The following JAK1 variants were observed in gnomAD, a reference collection of about 807,000 sequenced individuals.
The protein encoded by JAK1 is tyrosine-protein kinase JAK1.
JAK1 carries 16 observed loss-of-function variants against 136.6 expected under a neutral mutation model. That is an observed-to-expected ratio of 0.12 (90% CI 0.08 to 0.18). JAK1 has a LOEUF of 0.18. Ranked by LOEUF, JAK1 falls within the 10% of genes least tolerant of loss-of-function variation. The pLI is 1.00. For missense variants in JAK1, 859 were observed against 1,450.1 expected (o/e 0.59, Z 6.62); for synonymous variants, 492 against 519.5 (o/e 0.95, Z 0.72).
intron 1 of JAK1, among the ~76,000 whole-genome samples, chr1:64,936,724 T>C (rs1038574481): frequency 6.6e-6 from 1 of 152,166 alleles, no homozygotes; most frequent in African/African-American, 2.4e-5. Flanking sequence ...CATTTGCTTG[T>C]AAAAAGATTA....
intron 1 of JAK1, among the ~76,000 whole-genome samples, chr1:65,049,744 G>A (rs769608966): frequency 1.9e-4 from 29 of 152,126 alleles, no homozygotes; most frequent in Middle Eastern, 3.2e-3. Context: ...GATGTCCAAG[G>A]AACCTCATAT....
intron 1 of JAK1, among the ~76,000 whole-genome samples, chr1:64,927,793 AT>A (rs1237066098): frequency 6.6e-6 from 1 of 152,254 alleles, no homozygotes; most frequent in African/African-American, 2.4e-5. Context: ...ATGCAAAAGA[AT>A]ACAAAGCCCC....
intron 2 of JAK1, among the ~76,000 whole-genome samples, chr1:65,008,609 C>T (rs1569869472): frequency 1.3e-5 from 2 of 151,386 alleles, no homozygotes; most frequent in African/African-American, 4.8e-5. Context: ...TATAATAAGT[C>T]CTGCTCCCCT....
At chr1:65,007,987 C>T (rs148221518) in intron 2 of JAK1, among the ~76,000 whole-genome samples, 3,474 of 152,260 alleles carry the variant, frequency 0.023, 123 homozygotes, top group African/African-American at 0.079. Flanking sequence ...TCAGGTGATC[C>T]GCCTGCCTTG....
At chr1:64,836,313 T>C (rs951472481) in intron 22 of JAK1, 98 bp from the exon 23 acceptor site, 2 of 742,286 alleles carry the variant, frequency 2.7e-6, no homozygotes, top group African/African-American at 3.5e-5. Context: ...GTTTTTCTTA[T>C]AATTTAATAC....
chr1:64,956,224 G>C (rs986945643), intron 1 of JAK1, among the ~76,000 whole-genome samples: 2 of 152,214 alleles, frequency 1.3e-5, no homozygotes, highest in African/African-American at 4.8e-5. Context: ...AGGGTTTTCA[G>C]GGTGGTGGAT....
intron 2 of JAK1, among the ~76,000 whole-genome samples, chr1:65,035,106 T>C (rs1415312954): frequency 6.6e-6 from 1 of 151,598 alleles, no homozygotes; most frequent in East Asian, 1.9e-4. Context: ...TAAATTCTCT[T>C]AGTAATGCCA....
At chr1:65,006,102 A>T (rs901801274) in intron 2 of JAK1, among the ~76,000 whole-genome samples, 3 of 152,216 alleles carry the variant, frequency 2.0e-5, no homozygotes, top group African/African-American at 7.2e-5. Flanking sequence ...ATCTCTTCAC[A>T]TAAGTGTGAA....
At chr1:64,922,337 G>T (rs979656099) in intron 1 of JAK1, among the ~76,000 whole-genome samples, 1 of 152,118 alleles carries the variant, frequency 6.6e-6, no homozygotes, top group Non-Finnish European at 1.5e-5. Flanking sequence ...GATGCATTCT[G>T]TATCTTTACC....
In JAK1 at chr1:64,869,482, C is replaced by T. The variant is rs2101132565; in HGVS notation, c.484-8G>A. 1 of 1,612,342 alleles carries T rather than the reference C, an allele frequency of 6.2e-7. No individual in the cohort carries two copies. The highest frequency in any genetic ancestry group is 8.5e-7 in the Non-Finnish European group (1 of 1,178,984). On this transcript the variant is annotated splice_polypyrimidine_tract_variant and splice_region_variant and intron_variant, in intron 5 of 24. Coordinates refer to ENST00000342505, the MANE Select transcript of JAK1 (RefSeq NM_002227.4). ...CACCAAATCATACTGTCCCTAGGAG[C>T]AAGGGGGAGAAACCATGAGAGCCCA...
chr1:65,056,563 A>C (rs1428323500), intron 1 of JAK1, among the ~76,000 whole-genome samples: 1 of 152,086 alleles, frequency 6.6e-6, no homozygotes, highest in Non-Finnish European at 1.5e-5. Context: ...CTGATAATAC[A>C]CCTGACCCAT....
At chr1:65,028,576 A>G (rs1380321485) in intron 2 of JAK1, among the ~76,000 whole-genome samples, 1 of 152,182 alleles carries the variant, frequency 6.6e-6, no homozygotes, top group Non-Finnish European at 1.5e-5. Context: ...TCTCTTTCTG[A>G]TGCAAACTTC....
At chr1:64,873,694 G>A (rs1657217823) in intron 4 of JAK1, among the ~76,000 whole-genome samples, 171 bp from the exon 5 acceptor site, 1 of 152,156 alleles carries the variant, frequency 6.6e-6, no homozygotes, top group Admixed American at 6.5e-5. Context: ...TACTAGCGCT[G>A]CGTGAGAAGT....
intron 1 of JAK1, among the ~76,000 whole-genome samples, chr1:64,916,317 A>T (rs1393813265): frequency 6.6e-6 from 1 of 152,190 alleles, no homozygotes; most frequent in Non-Finnish European, 1.5e-5. Context: ...TCAGAGAAAA[A>T]AGGAGCTCTC....
intron 1 of JAK1, among the ~76,000 whole-genome samples, chr1:64,959,824 CT>C (rs1191784991): frequency 6.6e-6 from 1 of 152,126 alleles, no homozygotes; most frequent in Admixed American, 6.5e-5. Flanking sequence ...TAGAATATAT[CT>C]GTTAGTTTTT....
chr1:64,841,826 C>G (rs1380631420), intron 17 of JAK1, among the ~76,000 whole-genome samples: 1 of 152,162 alleles, frequency 6.6e-6, no homozygotes, highest in Non-Finnish European at 1.5e-5. Context: ...AGCCCAGTCC[C>G]AAAAAGCTTC....
intron 1 of JAK1, among the ~76,000 whole-genome samples, chr1:64,923,510 C>T (rs781487096): frequency 2.6e-5 from 4 of 152,208 alleles, no homozygotes; most frequent in Non-Finnish European, 4.4e-5. Context: ...GTTCAGATCA[C>T]ATGGGGACAT....
At chr1:65,043,021 A>G (rs946396685) in intron 2 of JAK1, among the ~76,000 whole-genome samples, 1 of 152,114 alleles carries the variant, frequency 6.6e-6, no homozygotes, top group Non-Finnish European at 1.5e-5. Flanking sequence ...TGACAAACCA[A>G]CCCAATCAGA....
At chr1:64,999,679 G>A (rs1249543605) in intron 2 of JAK1, among the ~76,000 whole-genome samples, 1 of 150,834 alleles carries the variant, frequency 6.6e-6, no homozygotes, top group Non-Finnish European at 1.5e-5. Context: ...AGGCTGCAGT[G>A]AGCCATGATC....
Sources: gnomAD v4.1 joint callset for allele counts (sites outside exome capture counted in the v4.1 genomes callset) on GRCh38, gnomAD v4.1.1 for gene constraint, MANE v1.5 for transcripts, NCBI Gene and HGNC (gene_info 2026-07-23, HGNC 2026-07-21) for gene names.